CPOX: variants seen among roughly 807,000 people sequenced by gnomAD.
CPOX encodes oxygen-dependent coproporphyrinogen-III oxidase, mitochondrial.
Under a neutral mutation model 48.9 loss-of-function variants are expected in CPOX, and 24 were observed. That is an observed-to-expected ratio of 0.49 (90% CI 0.36 to 0.69). The LOEUF is 0.69. Among genes scored for constraint, CPOX ranks in the 30% least tolerant of loss-of-function variants. The pLI is 0.00. For missense variants in CPOX, 549 were observed against 597.3 expected, an observed-to-expected ratio of 0.92 and a Z score of 0.84; for synonymous variants, 249 against 234.6, an observed-to-expected ratio of 1.06 and a Z score of -0.56.
the CPOX span, among the ~76,000 whole-genome samples, chr3:98,573,726 G>C: frequency 6.6e-6 from 1 of 152,150 alleles, no homozygotes; most frequent in Non-Finnish European, 1.5e-5. Context: ...TATCTGAGAA[G>C]ACCTTGATAA....
chr3:98,580,142 G>A lies in CPOX; in HGVS notation c.*541C>T. Reference sequence around the variant, plus strand: ...TTCTAAATACCTATTAGAAAAATGTGTATCTATTTGACAATATTATGTTCT... The same window carrying A: ...TTCTAAATACCTATTAGAAAAATGTATATCTATTTGACAATATTATGTTCT... On this transcript the variant is annotated 3_prime_UTR_variant, in exon 7 of 7. Transcript: ENST00000647941. 1.0e-6 allele frequency: 1 copy of A among 977,520 alleles called. No individual in the cohort carries two copies. Among genetic ancestry groups the A allele is most frequent in the Non-Finnish European group, 1.2e-6 (1 of 822,634 alleles). 60.6% of individuals were successfully genotyped at this position (977,520 alleles called of 1,614,324 possible).
chr3:98,577,820 A>G (rs1707184716), downstream of CPOX, among the ~76,000 whole-genome samples: 1 of 152,242 alleles, frequency 6.6e-6, no homozygotes, highest in East Asian at 1.9e-4. Flanking sequence ...ATGTACAGAC[A>G]TGCAAGTCAA....
intron 6 of CPOX, 94 bp from the exon 7 acceptor site, chr3:98,580,864 A>T: frequency 4.7e-6 from 1 of 214,026 alleles, no homozygotes; most frequent in Non-Finnish European, 7.9e-6. Context: ...TCCTAAGAAT[A>T]AAAAAAAAAA....
At position 98,580,021 on chromosome 3, in the gene CPOX, A is replaced by G. The variant is rs1199048062; in HGVS notation, c.*662T>C. ...TGGTTCCACAAAAATCAAAATTACA[A>G]CTTAGACATCTCTAAAATAATAGTA... On this transcript the variant is annotated 3_prime_UTR_variant, in exon 7 of 7. Coordinates refer to ENST00000647941, the MANE Select transcript of CPOX (RefSeq NM_000097.7). The G allele has an allele frequency of 1.0e-6, 1 of 984,016 alleles. No homozygotes were observed. The highest frequency in any genetic ancestry group is 1.2e-6 in the Non-Finnish European group (1 of 828,354). The allele number at this position is 984,016 out of a possible 1,614,324, so 61.0% of individuals were successfully genotyped here.
chr3:98,577,953 T>C (rs1707186586), downstream of CPOX, among the ~76,000 whole-genome samples: 1 of 152,230 alleles, frequency 6.6e-6, no homozygotes, highest in Non-Finnish European at 1.5e-5. Context: ...AGCACTTATC[T>C]CAAATACTCT....
chr3:98,571,734 T>C, the CPOX span, among the ~76,000 whole-genome samples: 9 of 151,906 alleles, frequency 5.9e-5, no homozygotes, highest in Admixed American at 5.9e-4. Flanking sequence ...GTATTAGTTA[T>C]GTCTCATAGG....
intron 6 of CPOX, 91 bp downstream of exon 6, chr3:98,581,316 G>T: frequency 1.1e-6 from 1 of 927,516 alleles, no homozygotes; most frequent in Non-Finnish European, 1.8e-6. Flanking sequence ...AAAGACCTAG[G>T]CACAACATCT....
downstream of CPOX, among the ~76,000 whole-genome samples, chr3:98,577,327 G>A (rs1287194059): frequency 6.6e-6 from 1 of 152,126 alleles, no homozygotes; most frequent in South Asian, 2.1e-4. Context: ...TCAGCAGGGT[G>A]GTGATAATGG....
intron 4 of CPOX, among the ~76,000 whole-genome samples, chr3:98,586,259 G>A (rs76277620): frequency 1.2e-3 from 179 of 152,308 alleles, no homozygotes; most frequent in African/African-American, 4.2e-3. Flanking sequence ...AGTGAAAAGA[G>A]AAACAGTCCA....
the CPOX span, among the ~76,000 whole-genome samples, chr3:98,574,442 G>C: frequency 6.6e-6 from 1 of 152,158 alleles, no homozygotes; most frequent in African/African-American, 2.4e-5. Context: ...GAGAGGTAAA[G>C]ATGAAAGTAG....
At chr3:98,588,623 G>T in intron 4 of CPOX, 90 bp downstream of exon 4, 1 of 1,357,288 alleles carries the variant, frequency 7.4e-7, no homozygotes, top group Non-Finnish European at 1.1e-6. Flanking sequence ...ATTTTCATAA[G>T]CAGAAGAGGG....
downstream of CPOX, among the ~76,000 whole-genome samples, chr3:98,578,668 G>A (rs2107109295): frequency 6.6e-6 from 1 of 152,188 alleles, no homozygotes; most frequent in Non-Finnish European, 1.5e-5. Flanking sequence ...CTTTTTCTAG[G>A]TTTTCCTATA....
chr3:98,593,475 C>G lies in CPOX; in HGVS notation c.30G>C (p.Ser10=). Residue 10 remains serine, a synonymous_variant, in exon 1 of 7, where the codon TCG becomes TCC. Transcript: ENST00000647941. ...CCCGCGCCACGAGCCAGCAGGGGCCCGAGCTCAGCCTGCCCAGCTGCAAGG... is the reference window on the plus strand; with the variant it reads ...CCCGCGCCACGAGCCAGCAGGGGCCGGAGCTCAGCCTGCCCAGCTGCAAGG... The part of the protein sequence containing the change: MALQLGRLS[S]GPCWLVARGG... The G allele has an allele frequency of 4.6e-6, 7 of 1,514,206 alleles. No homozygotes were observed. The highest frequency in any genetic ancestry group is 2.0e-5 in the Admixed American group (1 of 48,796). 93.8% of individuals were successfully genotyped at this position (1,514,206 alleles called of 1,614,324 possible). A position where few individuals can be genotyped will look rare whatever the true frequency, so the allele number is the denominator to read the frequency against.
In CPOX at chr3:98,588,782, T is replaced by C; in HGVS notation, c.884A>G (p.His295Arg). The change falls in exon 4 of 7, where the codon CAT (histidine) becomes CGT (arginine). Residue 295 changes from histidine to arginine, a missense_variant. His to Arg is a conservative substitution (Grantham distance 29). Around this residue, in one of 2 missense-constraint regions of CPOX, gnomAD observed 213 missense variants for 279.1 expected, o/e 0.76. Coordinates refer to ENST00000647941, the MANE Select transcript of CPOX (RefSeq NM_000097.7). ...PTYLNQEDAV[H>R]FHRTLKEACD... ...AGCCTCCTTCAGAGTTCTGTGAAAA[T>C]GGACAGCGTCTTCTTGATTCAAGTA... The C allele has an allele frequency of 6.2e-7, 1 of 1,614,196 alleles. No homozygotes were observed. Among genetic ancestry groups the C allele is most frequent in the Non-Finnish European group, 8.5e-7 (1 of 1,180,030 alleles).
At chr3:98,592,521 CTT>C (rs1707499695) in intron 1 of CPOX, among the ~76,000 whole-genome samples, 1 of 152,042 alleles carries the variant, frequency 6.6e-6, no homozygotes, top group Non-Finnish European at 1.5e-5. Flanking sequence ...TTAGCCGACA[CTT>C]AGCGCACAGG....
rs1368650071 is a variant in CPOX at position 98,591,164 on chromosome 3, A to T, written c.557-9T>A. The T allele has an allele frequency of 6.2e-7, 1 of 1,614,158 alleles. No individual in the cohort carries two copies. Among genetic ancestry groups the T allele is most frequent in the Non-Finnish European group, 8.5e-7 (1 of 1,179,990 alleles). Reference sequence around the variant, plus strand: ...GCTGATGCCGCCACCTCCTGTGTATAGAAATGTAAAAAAGGAGAGAATGTA... The same window carrying T: ...GCTGATGCCGCCACCTCCTGTGTATTGAAATGTAAAAAAGGAGAGAATGTA... On this transcript the variant is annotated splice_polypyrimidine_tract_variant and intron_variant, in intron 1 of 6. Transcript: ENST00000647941.
rs1476863817 is a variant in CPOX at position 98,580,737 on chromosome 3, G to A, written c.1311C>T (p.Ser437=). The A allele has an allele frequency of 1.9e-6, 3 of 1,613,986 alleles. No individual in the cohort carries two copies. Among genetic ancestry groups the A allele is most frequent in the South Asian group, 2.2e-5 (2 of 91,078 alleles). ...WEYMHSPSEN[S]KEAEILEVLR... is the part of the protein sequence containing the mutation. ...GAACTTCCAGAATTTCAGCTTCTTT[G>A]GAATTCTCTGAGGGTGAATGCATGT... The change falls in exon 7 of 7, where the codon TCC becomes TCT. Residue 437 remains serine, a synonymous_variant. Coordinates refer to ENST00000647941, the MANE Select transcript of CPOX (RefSeq NM_000097.7).
chr3:98,580,065 C>A lies in CPOX; in HGVS notation c.*618G>T, dbSNP rs1225324453. 5 of 981,172 alleles carry A rather than the reference C, an allele frequency of 5.1e-6. No individual in the cohort carries two copies. The highest frequency in any genetic ancestry group is 6.0e-6 in the Non-Finnish European group (5 of 826,962). 60.8% of individuals were successfully genotyped at this position (981,172 alleles called of 1,614,324 possible). ...AATAGTAATGTCACTTTAGAGTTTA[C>A]AAACTACAGAAATAACTGAATTGTA... On this transcript the variant is annotated 3_prime_UTR_variant, in exon 7 of 7. Coordinates refer to ENST00000647941, the MANE Select transcript of CPOX (RefSeq NM_000097.7).
intron 4 of CPOX, among the ~76,000 whole-genome samples, chr3:98,586,974 C>CA (rs1707376253): frequency 6.6e-6 from 1 of 150,936 alleles, no homozygotes; most frequent in Non-Finnish European, 1.5e-5. Context: ...AACAAACAAA[C>CA]AAAAAAGAAG....
Sources: allele counts gnomAD v4.1 joint callset (sites outside exome capture counted in the v4.1 genomes callset), GRCh38; gene constraint gnomAD v4.1.1; regional missense constraint gnomAD v4.1.1; transcripts MANE v1.5; gene names NCBI Gene and HGNC (gene_info 2026-07-23, HGNC 2026-07-21).